Variants in SYT12 observed in about 807,000 individuals in gnomAD.
The protein encoded by SYT12 is synaptotagmin-12.
Under a neutral mutation model 39.5 loss-of-function variants are expected in SYT12, and 27 were observed. The ratio of observed to expected loss-of-function variants is 0.68; its 90% CI spans 0.50 to 0.94. SYT12 has a LOEUF of 0.94. SYT12 is among the 40% of genes least tolerant of loss of function. The pLI is 0.00. For synonymous variants in SYT12, 233 were observed against 239.7 expected, an observed-to-expected ratio of 0.97 and a Z score of 0.26; for missense variants, 536 against 572.6, an observed-to-expected ratio of 0.94 and a Z score of 0.65.
At chr11:67,025,723 G>A (rs894295918) in intron 1 of SYT12, among the ~76,000 whole-genome samples, 9 of 152,174 alleles carry the variant, frequency 5.9e-5, no homozygotes, top group Non-Finnish European at 1.3e-4. Context: ...TTGCGGCTTG[G>A]TCTGAGCTTC....
chr11:67,019,508 T>C (rs527312133), upstream of SYT12, among the ~76,000 whole-genome samples: 3 of 151,334 alleles, frequency 2.0e-5, no homozygotes, highest in Admixed American at 2.0e-4. Context: ...TGAGACTTAC[T>C]ACCACGAGAA....
At chr11:67,021,394 A>G (rs956616451), upstream of SYT12, among the ~76,000 whole-genome samples, 3 of 150,996 alleles carry the variant, frequency 2.0e-5, no homozygotes, top group East Asian at 2.0e-4. Flanking sequence ...ACTGCAGCCT[A>G]TGCTCCCAGG....
At chr11:67,030,267 A>T in intron 2 of SYT12, 89 bp downstream of exon 2, 2 of 1,454,914 alleles carry the variant, frequency 1.4e-6, no homozygotes, top group Non-Finnish European at 1.9e-6. Flanking sequence ...GACATGAATA[A>T]TTAGTCCTTG....
chr11:67,024,577 A>T (rs1295919346), intron 1 of SYT12, among the ~76,000 whole-genome samples: 1 of 152,158 alleles, frequency 6.6e-6, no homozygotes. Context: ...TACAAGGAGC[A>T]GGGTAGCAGC....
rs764797338 is a variant in SYT12, at chr11:67,043,857, A to G, written c.837+4A>G. The G allele has an allele frequency of 9.3e-6, 15 of 1,613,958 alleles. No individual in the cohort carries two copies. The highest frequency in any genetic ancestry group is 1.3e-5 in the Non-Finnish European group (15 of 1,179,994). ...CTATTTACAGGACCAGAACAAGGTA[A>G]GTGACTTGCCTGCTCGTCCACCTCG... On this transcript the variant is annotated splice_donor_region_variant and intron_variant, in intron 5 of 7. Transcript: ENST00000527043.
chr11:67,028,446 C>T (rs1286947025), intron 1 of SYT12: 1 of 152,176 alleles, frequency 6.6e-6, no homozygotes, highest in East Asian at 1.9e-4. Context: ...ATCTGACCTG[C>T]TTCTAGAGGC....
chr11:67,045,581 A>G, intron 6 of SYT12, 163 bp from the exon 7 acceptor site: 1 of 1,041,304 alleles, frequency 9.6e-7, no homozygotes, highest in South Asian at 1.7e-5. Context: ...CAGTTTTCTC[A>G]TCTGTGAAAT....
At position 67,048,794 on chromosome 11, in the gene SYT12, G is replaced by GCC. The variant is rs765540743; in HGVS notation, c.*37_*38insCC. On this transcript the variant is annotated 3_prime_UTR_variant, in exon 8 of 8. Transcript: ENST00000527043. ...GGCCAGTTGGGCAATGGAGCTGCTG[G>GCC]AGCCCGGTACCCACTCAGCTCTGTC... The GCC allele has an allele frequency of 6.3e-7, 1 of 1,576,062 alleles. No homozygotes were observed. The highest frequency in any genetic ancestry group is 2.3e-5 in the East Asian group (1 of 43,944).
At chr11:67,024,093 A>AGGGG (rs1950149215) in intron 1 of SYT12, among the ~76,000 whole-genome samples, 1 of 91,548 alleles carries the variant, frequency 1.1e-5, no homozygotes, top group African/African-American at 4.3e-5. Context: ...TGGGGGAGGG[A>AGGGG]GGTGGGGGGC....
intron 3 of SYT12, among the ~76,000 whole-genome samples, chr11:67,038,802 C>A: frequency 6.6e-6 from 1 of 150,838 alleles, no homozygotes; most frequent in East Asian, 2.0e-4. Flanking sequence ...GCCTGGCCAA[C>A]ATACTGAAAC....
In SYT12 at chr11:67,043,841, G is replaced by A. The variant is rs1427112177; in HGVS notation, c.825G>A (p.Gln275=). Residue 275 remains glutamine, a synonymous_variant, in exon 5 of 8, where the codon CAG becomes CAA. Coordinates refer to ENST00000527043, the MANE Select transcript of SYT12 (RefSeq NM_177963.4). ...CCTTCAGTGGCTGGCTCTATTTACA[G>A]GACCAGAACAAGGTAAGTGACTTGC... ...LQPFSGWLYL[Q]DQNKAADAVG... 5.0e-6 allele frequency: 8 copies of A among 1,613,928 alleles called. No homozygotes were observed. The highest frequency in any genetic ancestry group is 6.8e-6 in the Non-Finnish European group (8 of 1,180,030).
chr11:67,018,791 C>G (rs1463662596), upstream of SYT12, among the ~76,000 whole-genome samples: 1 of 151,910 alleles, frequency 6.6e-6, no homozygotes, highest in Non-Finnish European at 1.5e-5. Context: ...CCGCTGCACT[C>G]CAGCCTGGGC....
intron 2 of SYT12, chr11:67,032,524 G>A (rs1465630985): frequency 6.6e-6 from 1 of 152,260 alleles, no homozygotes; most frequent in African/African-American, 2.4e-5. Flanking sequence ...ACCGGTGCCC[G>A]GCTCTGCCGT....
chr11:67,015,732 T>C (rs184240040), intron 3 of SYT12, among the ~76,000 whole-genome samples: 1 of 152,248 alleles, frequency 6.6e-6, no homozygotes, highest in African/African-American at 2.4e-5. Context: ...TTCCCAGCTG[T>C]TGTGGCTTTC....
chr11:67,007,752 C>T (rs1042211386), intron 1 of SYT12, among the ~76,000 whole-genome samples: 3 of 150,862 alleles, frequency 2.0e-5, no homozygotes, highest in Admixed American at 6.6e-5. Context: ...TTAGTAGAGA[C>T]GGGGTTTCCC....
At chr11:67,012,158 G>A (rs935727770) in intron 3 of SYT12, among the ~76,000 whole-genome samples, 1 of 151,330 alleles carries the variant, frequency 6.6e-6, no homozygotes, top group Non-Finnish European at 1.5e-5. Context: ...ATCACCTGAG[G>A]TCAGGAATTC....
Position 67,048,879 on chromosome 11 carries a change from T to C in SYT12, c.*122T>C. On this transcript the variant is annotated 3_prime_UTR_variant, in exon 8 of 8. Transcript: ENST00000527043. ...ACACTGGGGTCCCCTGGCAGAGTCC[T>C]CATGACCCATCCTGGTCTCTCTGTC... The C allele has an allele frequency of 8.8e-7, 1 of 1,138,636 alleles. No homozygotes were observed. The highest frequency in any genetic ancestry group is 1.5e-5 in the South Asian group (1 of 65,678). The allele number at this position is 1,138,636 out of a possible 1,614,324, so 70.5% of individuals were successfully genotyped here.
chr11:67,043,572 C>G, intron 4 of SYT12, 66 bp from the exon 5 acceptor site: 1 of 1,484,866 alleles, frequency 6.7e-7, no homozygotes, highest in Non-Finnish European at 9.4e-7. Context: ...GACTCCCTGT[C>G]CAGTGCTGTC....
At chr11:67,046,205 G>T (rs1382742331) in intron 7 of SYT12, among the ~76,000 whole-genome samples, 1 of 152,184 alleles carries the variant, frequency 6.6e-6, no homozygotes, top group Non-Finnish European at 1.5e-5. Flanking sequence ...GAGGGTTGGA[G>T]AGGAGCTGGG....
Sources: gnomAD v4.1 joint callset for allele counts (sites outside exome capture counted in the v4.1 genomes callset) on GRCh38, gnomAD v4.1.1 for gene constraint, MANE v1.5 for transcripts, NCBI Gene and HGNC (gene_info 2026-07-23, HGNC 2026-07-21) for gene names.